Variants in BRINP3 observed in about 807,000 individuals in gnomAD.
BRINP3 encodes the protein BMP/retinoic acid inducible neural specific 3, also known as BMP/retinoic acid-inducible neural-specific protein 3.
Under a neutral mutation model 71.0 loss-of-function variants are expected in BRINP3, and 19 were observed. The observed-to-expected ratio is 0.27, with a 90% CI of 0.19 to 0.39. The LOEUF is 0.39. Among genes scored for constraint, BRINP3 ranks in the 10% least tolerant of loss-of-function variants. The probability of loss-of-function intolerance (pLI) is 1.00; values close to 1 mark genes in which losing one functional copy is unlikely to be tolerated. For missense variants in BRINP3, 959 were observed against 940.8 expected, an observed-to-expected ratio of 1.02 and a Z score of -0.25; for synonymous variants, 380 against 337.7, an observed-to-expected ratio of 1.13 and a Z score of -1.37.
At chr1:190,163,040 T>C (rs926093064) in intron 6 of BRINP3, among the ~76,000 whole-genome samples, 1 of 152,082 alleles carries the variant, frequency 6.6e-6, no homozygotes, top group Admixed American at 6.6e-5. Context: ...ATCTTCAGTA[T>C]CTGAAATTCA....
chr1:190,198,324 T>C (rs1332637360), intron 6 of BRINP3, among the ~76,000 whole-genome samples: 2 of 152,198 alleles, frequency 1.3e-5, no homozygotes, highest in Non-Finnish European at 2.9e-5. Flanking sequence ...TTTGGCTCTT[T>C]GTAACTTACA....
At chr1:190,221,444 C>A (rs1192944939) in intron 6 of BRINP3, among the ~76,000 whole-genome samples, 3 of 151,876 alleles carry the variant, frequency 2.0e-5, no homozygotes, top group Non-Finnish European at 4.4e-5. Context: ...TGAAAAGCAA[C>A]AAATTAAAAC....
intron 7 of BRINP3, among the ~76,000 whole-genome samples, chr1:190,143,571 A>C (rs182611838): frequency 1.1e-4 from 16 of 152,252 alleles, no homozygotes; most frequent in African/African-American, 3.6e-4. Context: ...CCCAAAACTG[A>C]GTTATTCCTC....
chr1:190,317,517 T>G (rs1665967456), intron 2 of BRINP3, among the ~76,000 whole-genome samples: 2 of 152,178 alleles, frequency 1.3e-5, no homozygotes, highest in Admixed American at 6.6e-5. Flanking sequence ...CATTTTATGT[T>G]GCACATTATG....
intron 1 of BRINP3, among the ~76,000 whole-genome samples, chr1:190,457,602 T>C (rs1676087422): frequency 6.6e-6 from 1 of 152,166 alleles, no homozygotes; most frequent in South Asian, 2.1e-4. Flanking sequence ...ATAGAGTGAG[T>C]TAATATTTGT....
At chr1:190,297,129 G>A (rs1405199386) in intron 2 of BRINP3, among the ~76,000 whole-genome samples, 19 of 151,774 alleles carry the variant, frequency 1.3e-4, no homozygotes, top group Admixed American at 1.2e-3. Flanking sequence ...CAAACCTAGA[G>A]ACTTTATACC....
intron 6 of BRINP3, among the ~76,000 whole-genome samples, chr1:190,173,602 A>G (rs1652223207): frequency 6.6e-6 from 1 of 152,170 alleles, no homozygotes; most frequent in Admixed American, 6.6e-5. Context: ...AATAATTCCT[A>G]AATTGCTTAT....
At chr1:190,253,507 G>T (rs1313540669) in intron 4 of BRINP3, among the ~76,000 whole-genome samples, 1 of 152,126 alleles carries the variant, frequency 6.6e-6, no homozygotes, top group African/African-American at 2.4e-5. Flanking sequence ...GTTTTCATTT[G>T]TGTTTCTCTG....
At chr1:190,188,467 TCC>T in intron 6 of BRINP3, among the ~76,000 whole-genome samples, 1 of 152,292 alleles carries the variant, frequency 6.6e-6, no homozygotes, top group African/African-American at 2.4e-5. Flanking sequence ...TTTCAATTTT[TCC>T]CCATGGAATA....
intron 6 of BRINP3, among the ~76,000 whole-genome samples, chr1:190,216,657 T>C (rs1656445582): frequency 6.6e-6 from 1 of 151,916 alleles, no homozygotes; most frequent in African/African-American, 2.4e-5. Flanking sequence ...TAGCATTCTG[T>C]GCTAATCCTA....
intron 7 of BRINP3, among the ~76,000 whole-genome samples, chr1:190,131,526 C>T (rs1330755694): frequency 2.0e-5 from 3 of 151,986 alleles, no homozygotes; most frequent in African/African-American, 7.2e-5. Context: ...CAAGGTCTGT[C>T]TATTGTATTT....
intron 2 of BRINP3, among the ~76,000 whole-genome samples, chr1:190,428,686 T>G (rs770471308): frequency 5.3e-5 from 8 of 152,080 alleles, no homozygotes; most frequent in Non-Finnish European, 1.2e-4. Flanking sequence ...CACAAAGCAA[T>G]CATAAACATT....
intron 3 of BRINP3, among the ~76,000 whole-genome samples, chr1:190,267,732 A>C (rs1395290852): frequency 6.6e-6 from 1 of 152,062 alleles, no homozygotes; most frequent in Non-Finnish European, 1.5e-5. Context: ...ATATATAATA[A>C]AACAGAGAAT....
intron 2 of BRINP3, among the ~76,000 whole-genome samples, chr1:190,289,272 T>A (rs1371128482): frequency 6.6e-6 from 1 of 151,962 alleles, no homozygotes; most frequent in African/African-American, 2.4e-5. Flanking sequence ...ACATTTTTCC[T>A]GAAATATGTC....
At chr1:190,258,546 A>T (rs1248896710) in intron 4 of BRINP3, among the ~76,000 whole-genome samples, 3 of 152,216 alleles carry the variant, frequency 2.0e-5, no homozygotes, top group African/African-American at 4.8e-5. Flanking sequence ...CATGTAACTA[A>T]AAGTAAGGAA....
At chr1:190,276,471 G>T (rs888212695) in intron 3 of BRINP3, among the ~76,000 whole-genome samples, 30 of 151,488 alleles carry the variant, frequency 2.0e-4, no homozygotes, top group Middle Eastern at 3.4e-3. Context: ...ATTCTTATGG[G>T]AATGCAAATA....
intron 2 of BRINP3, among the ~76,000 whole-genome samples, chr1:190,334,133 A>T (rs1667138586): frequency 6.6e-6 from 1 of 152,048 alleles, no homozygotes; most frequent in East Asian, 1.9e-4. Flanking sequence ...GTTAAAAATC[A>T]TGAAAATTTC....
intron 2 of BRINP3, among the ~76,000 whole-genome samples, chr1:190,434,337 T>C (rs1030480698): frequency 6.6e-6 from 1 of 151,982 alleles, no homozygotes; most frequent in Non-Finnish European, 1.5e-5. Flanking sequence ...CTCGAATTCC[T>C]GACCTCGGGT....
intron 6 of BRINP3, among the ~76,000 whole-genome samples, chr1:190,189,104 T>C (rs1592245): frequency 0.12 from 18,809 of 152,170 alleles, 1,713 homozygotes; most frequent in South Asian, 0.26. Flanking sequence ...CCTATAATTT[T>C]GTTTTCCTTA....
Sources: gnomAD v4.1 joint callset for allele counts (sites outside exome capture counted in the v4.1 genomes callset) on GRCh38, gnomAD v4.1.1 for gene constraint, MANE v1.5 for transcripts, NCBI Gene and HGNC (gene_info 2026-07-23, HGNC 2026-07-21) for gene names.